The following DDAH1 variants were observed in gnomAD, a reference collection of about 807,000 sequenced individuals.
DDAH1 encodes the protein N(G),N(G)-dimethylarginine dimethylaminohydrolase 1.
A neutral mutation model predicts 28.8 loss-of-function variants in DDAH1; 19 were observed. The ratio of observed to expected loss-of-function variants is 0.66; its 90% CI spans 0.46 to 0.97. The LOEUF (loss-of-function observed/expected upper bound fraction) is 0.97. Among genes scored for constraint, DDAH1 ranks in the 50% least tolerant of loss-of-function variants. The pLI is 0.00. For missense variants in DDAH1, 326 were observed against 375.9 expected, an observed-to-expected ratio of 0.87 and a Z score of 1.10; for synonymous variants, 153 against 154.4, an observed-to-expected ratio of 0.99 and a Z score of 0.07.
At chr1:85,482,711 T>C (rs1656050781) in intron 2 of DDAH1, among the ~76,000 whole-genome samples, 1 of 152,236 alleles carries the variant, frequency 6.6e-6, no homozygotes, top group Admixed American at 6.5e-5. Context: ...GAAATGTGGA[T>C]GGACATGTGC....
intron 1 of DDAH1, among the ~76,000 whole-genome samples, chr1:85,427,274 A>G (rs1252256503): frequency 1.6e-4 from 1 of 6,172 alleles, no homozygotes; most frequent in Non-Finnish European, 4.7e-4. Flanking sequence ...AGTGAGCTAA[A>G]AAAAAAAAAA....
intron 1 of DDAH1, among the ~76,000 whole-genome samples, chr1:85,432,461 T>A (rs1233790237): frequency 6.6e-6 from 1 of 152,182 alleles, no homozygotes; most frequent in Non-Finnish European, 1.5e-5. Context: ...ATCTATTTTA[T>A]TTTCGTGTGT....
At chr1:85,424,813 T>TA (rs1298846859) in intron 1 of DDAH1, among the ~76,000 whole-genome samples, 1 of 152,004 alleles carries the variant, frequency 6.6e-6, no homozygotes, top group Non-Finnish European at 1.5e-5. Flanking sequence ...TCTATAATCA[T>TA]AAAAAAGTTA....
At chr1:85,347,574 C>A (rs1044458067) in intron 4 of DDAH1, among the ~76,000 whole-genome samples, 25 of 151,814 alleles carry the variant, frequency 1.6e-4, no homozygotes, top group Non-Finnish European at 3.5e-4. Flanking sequence ...AATGAGAACA[C>A]TTGGACACAG....
At chr1:85,525,185 CTATT>C (rs1657821640) in intron 1 of DDAH1, among the ~76,000 whole-genome samples, 1 of 151,584 alleles carries the variant, frequency 6.6e-6, no homozygotes, top group Non-Finnish European at 1.5e-5. Flanking sequence ...ATCGAATTGA[CTATT>C]TGAGTGAAGC....
In DDAH1 at chr1:85,380,855, T is replaced by C. The variant is rs74098811; in HGVS notation, c.304-22008A>G. 5.0e-3 allele frequency among the ~76,000 whole-genome samples: 754 copies of C among 152,322 alleles called. 6 individuals are homozygous for C. Among genetic ancestry groups the C allele is most frequent in the African/African-American group, 0.017 (723 of 41,564 alleles). On this transcript the variant is annotated intron_variant, in intron 1 of 5. Coordinates refer to ENST00000284031, the MANE Select transcript of DDAH1 (RefSeq NM_012137.4). ...TGTGTGTTATGAAATATGGTTGACA[T>C]ACTCCGTTTACTTTCAAAATATGAA...
At chr1:85,526,361 A>T (rs1657873377) in intron 1 of DDAH1, among the ~76,000 whole-genome samples, 1 of 152,102 alleles carries the variant, frequency 6.6e-6, no homozygotes, top group African/African-American at 2.4e-5. Flanking sequence ...CTGGGTTCTG[A>T]GTTTCATTTC....
At chr1:85,538,031 C>G (rs1329589181) in intron 1 of DDAH1, among the ~76,000 whole-genome samples, 2 of 152,060 alleles carry the variant, frequency 1.3e-5, no homozygotes, top group Non-Finnish European at 2.9e-5. Flanking sequence ...TCCTCATCAG[C>G]AGGAAAATAA....
At chr1:85,564,698 T>C (rs180926800) in intron 1 of DDAH1, among the ~76,000 whole-genome samples, 15 of 151,932 alleles carry the variant, frequency 9.9e-5, no homozygotes, top group African/African-American at 3.1e-4. Context: ...TGAAACCCCA[T>C]GTCTACTAAA....
intron 4 of DDAH1, among the ~76,000 whole-genome samples, chr1:85,329,576 G>A (rs233131): frequency 0.35 from 52,925 of 151,970 alleles, 9,331 homozygotes; most frequent in South Asian, 0.4. Context: ...TGGGAGGAAA[G>A]GAATTATAAT....
At chr1:85,522,820 C>T (rs1203508490) in intron 1 of DDAH1, among the ~76,000 whole-genome samples, 1 of 152,032 alleles carries the variant, frequency 6.6e-6, no homozygotes, top group Admixed American at 6.6e-5. Context: ...TGTGGAGGTG[C>T]ACAGTCCCTG....
In DDAH1 at chr1:85,464,418, C is replaced by CA; in HGVS notation, c.303+324dup. ...CGGCCCTCGCTCCCTGGGAAACACT[C>CA]AGAGTTGCACTGTCGTCGCTGCCGT... On this transcript the variant is annotated intron_variant, in intron 1 of 5. Coordinates refer to ENST00000284031, the MANE Select transcript of DDAH1 (RefSeq NM_012137.4). The surrounding 1 kb of genome is among the most constrained non-coding windows in gnomAD (Gnocchi z 4.4). 3 of 1,349,322 alleles carry CA rather than the reference C, an allele frequency of 2.2e-6. No individual in the cohort carries two copies. Among genetic ancestry groups the CA allele is most frequent in the South Asian group, 1.2e-5 (1 of 80,638 alleles). The allele number at this position is 1,349,322 out of a possible 1,614,324, so 83.6% of individuals were successfully genotyped here. A position where few individuals can be genotyped will look rare whatever the true frequency, so the allele number is the denominator to read the frequency against.
intron 1 of DDAH1, among the ~76,000 whole-genome samples, chr1:85,573,228 A>G (rs1044905175): frequency 1.3e-5 from 2 of 152,186 alleles, no homozygotes; most frequent in Non-Finnish European, 2.9e-5. Flanking sequence ...AAATCACTTC[A>G]ATCTCTCTGT....
intron 1 of DDAH1, among the ~76,000 whole-genome samples, chr1:85,551,561 C>T (rs1658792465): frequency 6.6e-6 from 1 of 152,220 alleles, no homozygotes; most frequent in Admixed American, 6.5e-5. Context: ...GTAACATTTA[C>T]TGATCACCTA....
At chr1:85,485,383 A>C (rs1252576287) in intron 2 of DDAH1, among the ~76,000 whole-genome samples, 2 of 152,214 alleles carry the variant, frequency 1.3e-5, no homozygotes, top group Non-Finnish European at 2.9e-5. Flanking sequence ...AAATGAGCTT[A>C]ATTAATTATT....
chr1:85,428,788 G>A lies in DDAH1; in HGVS notation c.303+35955C>T, dbSNP rs138848837. Among the ~76,000 whole-genome samples the A allele has an allele frequency of 4.8e-3, 731 of 152,166 alleles. 2 individuals carry two copies. Among genetic ancestry groups the A allele is most frequent in the African/African-American group, 0.017 (686 of 41,522 alleles). ...GCTGTGCTTTATTCAGGAAGATCAAGCATTTTAGCTAGAGGATAAGAACGC... is the reference window on the plus strand; with the variant it reads ...GCTGTGCTTTATTCAGGAAGATCAAACATTTTAGCTAGAGGATAAGAACGC... On this transcript the variant is annotated intron_variant, in intron 1 of 5. Transcript: ENST00000284031.
chr1:85,363,472 A>G (rs1417903557), intron 1 of DDAH1, among the ~76,000 whole-genome samples: 1 of 152,246 alleles, frequency 6.6e-6, no homozygotes, highest in African/African-American at 2.4e-5. Flanking sequence ...TTAAAATTAT[A>G]GAATCATTCT....
intron 1 of DDAH1, among the ~76,000 whole-genome samples, chr1:85,408,365 G>A (rs1652505304): frequency 6.6e-6 from 1 of 151,466 alleles, no homozygotes; most frequent in South Asian, 2.1e-4. Context: ...CACCCCAGAG[G>A]TAACCATGTT....
chr1:85,457,549 T>C (rs561807562), intron 1 of DDAH1, among the ~76,000 whole-genome samples: 2 of 152,314 alleles, frequency 1.3e-5, no homozygotes, highest in Admixed American at 1.3e-4. Context: ...TTATTGAATG[T>C]ACTAACAGAT....
Sources: allele counts gnomAD v4.1 joint callset (sites outside exome capture counted in the v4.1 genomes callset), GRCh38; gene constraint gnomAD v4.1.1; non-coding constraint Gnocchi (gnomAD v3.1); transcripts MANE v1.5; gene names NCBI Gene and HGNC (gene_info 2026-07-23, HGNC 2026-07-21).